Variants in ABCD2 observed in about 807,000 individuals in gnomAD.
ABCD2 encodes ATP binding cassette subfamily D member 2.
In ABCD2, 36 loss-of-function variants were observed where a neutral mutation model predicts 70.9. The ratio of observed to expected loss-of-function variants is 0.51; its 90% CI spans 0.39 to 0.67. The LOEUF is 0.67. Among genes scored for constraint, ABCD2 ranks in the 30% least tolerant of loss-of-function variants. The pLI, the probability that ABCD2 is intolerant of heterozygous loss-of-function variation, is 0.00. For synonymous variants in ABCD2, 304 were observed against 306.9 expected (o/e 0.99, Z 0.10); for missense variants, 729 against 890.2 (o/e 0.82, Z 2.30).
chr12:39,603,681 A>G (rs138494224), intron 5 of ABCD2, among the ~76,000 whole-genome samples: 229 of 152,198 alleles, frequency 1.5e-3, no homozygotes, highest in African/African-American at 4.8e-3. Flanking sequence ...ATTACCTTGT[A>G]CACTATAATT....
At chr12:39,611,408 T>A (rs1228424201) in intron 2 of ABCD2, among the ~76,000 whole-genome samples, 1 of 152,156 alleles carries the variant, frequency 6.6e-6, no homozygotes, top group Non-Finnish European at 1.5e-5. Context: ...GTATTATTTT[T>A]AAAAAATAAA....
In ABCD2 at chr12:39,553,003, G is replaced by C. The variant is rs187059469; in HGVS notation, c.*909C>G. On this transcript the variant is annotated 3_prime_UTR_variant, in exon 10 of 10. Coordinates refer to ENST00000308666, the MANE Select transcript of ABCD2 (RefSeq NM_005164.4). ...ACATTAAGGTGAAATGATGTAAATG[G>C]GGATTGTAAATTATAAAGTACTATT... 37 of 152,000 alleles carry C rather than the reference G, an allele frequency of 2.4e-4. No individual in the cohort carries two copies. The highest frequency in any genetic ancestry group is 8.2e-4 in the African/African-American group (34 of 41,530). The allele number at this position is 152,000 out of a possible 1,614,324, so 9.4% of individuals were successfully genotyped here. A position where few individuals can be genotyped will look rare whatever the true frequency, so the allele number is the denominator to read the frequency against.
chr12:39,563,457 C>T (rs541604877), intron 9 of ABCD2, among the ~76,000 whole-genome samples: 10 of 152,110 alleles, frequency 6.6e-5, no homozygotes, highest in South Asian at 2.1e-4. Flanking sequence ...AGAATAAGAA[C>T]GCTCACTTTT....
chr12:39,579,290 A>G (rs1398565445), intron 8 of ABCD2, among the ~76,000 whole-genome samples: 2 of 152,242 alleles, frequency 1.3e-5, no homozygotes, highest in African/African-American at 4.8e-5. Flanking sequence ...TGGGCCTGGG[A>G]GACGGAGGTT....
intron 7 of ABCD2, among the ~76,000 whole-genome samples, chr12:39,580,171 G>T (rs1023826833): frequency 2.6e-5 from 4 of 152,122 alleles, no homozygotes; most frequent in Non-Finnish European, 5.9e-5. Context: ...AACCTCCTAG[G>T]TTCGAGCTAT....
the ABCD2 span, among the ~76,000 whole-genome samples, chr12:39,543,615 A>G: frequency 1.3e-5 from 2 of 152,174 alleles, no homozygotes; most frequent in African/African-American, 2.4e-5. Context: ...TTTACATACA[A>G]TCCAGGCTTT....
At chr12:39,574,467 T>G (rs1242357090) in intron 8 of ABCD2, among the ~76,000 whole-genome samples, 3 of 152,012 alleles carry the variant, frequency 2.0e-5, no homozygotes, top group Non-Finnish European at 2.9e-5. Context: ...TTTAAGCTTA[T>G]TTTTTACTTT....
intron 8 of ABCD2, among the ~76,000 whole-genome samples, chr12:39,579,024 A>G (rs1185627525): frequency 2.6e-5 from 4 of 152,188 alleles, no homozygotes; most frequent in Admixed American, 6.5e-5. Flanking sequence ...ATTACTCAAC[A>G]TGAAAGAAAT....
In ABCD2 at chr12:39,552,218, C is replaced by T. The variant is rs1012292348; in HGVS notation, c.*1694G>A. 5.3e-5 allele frequency: 8 copies of T among 151,826 alleles called. No individual in the cohort carries two copies. The highest frequency in any genetic ancestry group is 8.8e-5 in the Non-Finnish European group (6 of 67,812). The allele number at this position is 151,826 out of a possible 1,614,324, so 9.4% of individuals were successfully genotyped here. ...TTACATTTATTGAAAATTAAAAATA[C>T]ACTAGCTATCATGGCAGAATTGAAA... On this transcript the variant is annotated 3_prime_UTR_variant, in exon 10 of 10. Transcript: ENST00000308666.
At chr12:39,576,326 A>AT (rs1008233434) in intron 8 of ABCD2, among the ~76,000 whole-genome samples, 11 of 151,778 alleles carry the variant, frequency 7.2e-5, no homozygotes, top group Non-Finnish European at 1.5e-4. Flanking sequence ...TGCCTGGCTA[A>AT]TTTTTTTTAA....
chr12:39,569,431 C>G (rs186923319), intron 9 of ABCD2, among the ~76,000 whole-genome samples: 1 of 152,158 alleles, frequency 6.6e-6, no homozygotes, highest in African/African-American at 2.4e-5. Flanking sequence ...GAGCCAGGCA[C>G]GGGATATAAT....
rs150538441 is a variant in ABCD2, at chr12:39,551,966, G to C, written c.*1946C>G. 6.6e-6 allele frequency: 1 copy of C among 151,656 alleles called. No individual in the cohort carries two copies. Among genetic ancestry groups the C allele is most frequent in the Non-Finnish European group, 1.5e-5 (1 of 67,670 alleles). The allele number at this position is 151,656 out of a possible 1,614,324, so 9.4% of individuals were successfully genotyped here. A position where few individuals can be genotyped will look rare whatever the true frequency, so the allele number is the denominator to read the frequency against. ...ACACTTGCCTCAGACTTTTGCCCTT[G>C]TAGCAGTATAAACTGGATAATCACT... On this transcript the variant is annotated 3_prime_UTR_variant, in exon 10 of 10. Coordinates refer to ENST00000308666, the MANE Select transcript of ABCD2 (RefSeq NM_005164.4).
chr12:39,555,627 A>G (rs1941153019), intron 9 of ABCD2, among the ~76,000 whole-genome samples: 1 of 152,280 alleles, frequency 6.6e-6, no homozygotes. Flanking sequence ...ATGTAAGCAT[A>G]AGAGTTTGCA....
At chr12:39,606,663 T>C (rs920751723) in intron 3 of ABCD2, among the ~76,000 whole-genome samples, 1 of 152,216 alleles carries the variant, frequency 6.6e-6, no homozygotes, top group African/African-American at 2.4e-5. Flanking sequence ...GTAATTCTTT[T>C]ATATAGTTTA....
chr12:39,606,565 A>G (rs1941971827), intron 3 of ABCD2, among the ~76,000 whole-genome samples: 1 of 152,228 alleles, frequency 6.6e-6, no homozygotes, highest in Non-Finnish European at 1.5e-5. Context: ...TTATTACATC[A>G]ACAAATCTAT....
chr12:39,602,028 A>G (rs1026976387), intron 5 of ABCD2, among the ~76,000 whole-genome samples: 1 of 151,826 alleles, frequency 6.6e-6, no homozygotes, highest in Admixed American at 6.6e-5. Flanking sequence ...TTCTACATTA[A>G]TATTAATATT....
intron 9 of ABCD2, among the ~76,000 whole-genome samples, chr12:39,561,869 A>G (rs553028120): frequency 7.2e-5 from 11 of 152,312 alleles, no homozygotes; most frequent in African/African-American, 2.2e-4. Flanking sequence ...AAATTTCATC[A>G]AAAAGCTTCA....
downstream of ABCD2, among the ~76,000 whole-genome samples, chr12:39,547,393 C>T (rs772407464): frequency 1.3e-5 from 2 of 152,094 alleles, no homozygotes; most frequent in Non-Finnish European, 2.9e-5. Flanking sequence ...TCACACAGCA[C>T]TATTCACAAT....
the ABCD2 span, among the ~76,000 whole-genome samples, chr12:39,544,611 C>G: frequency 6.6e-6 from 1 of 152,096 alleles, no homozygotes; most frequent in Non-Finnish European, 1.5e-5. Context: ...TCACTGTCTC[C>G]GTCATAATTT....
Sources: allele counts gnomAD v4.1 joint callset (sites outside exome capture counted in the v4.1 genomes callset), GRCh38; gene constraint gnomAD v4.1.1; transcripts MANE v1.5; gene names NCBI Gene and HGNC (gene_info 2026-07-23, HGNC 2026-07-21).